CACNA1B: variants seen among roughly 807,000 people sequenced by gnomAD.
CACNA1B encodes the protein voltage-dependent N-type calcium channel subunit alpha-1B.
A neutral mutation model predicts 247.2 loss-of-function variants in CACNA1B; 70 were observed. That is an observed-to-expected ratio of 0.28 (90% confidence interval 0.23 to 0.35). The LOEUF (loss-of-function observed/expected upper bound fraction) is 0.35. CACNA1B is among the 10% of genes least tolerant of loss of function. The pLI is 1.00. For synonymous variants in CACNA1B, 1,231 were observed against 1,294.4 expected, an observed-to-expected ratio of 0.95 and a Z score of 1.05; for missense variants, 2,367 against 3,197.4, an observed-to-expected ratio of 0.74 and a Z score of 6.26.
chr9:138,017,739 GCAGAGA>G, intron 18 of CACNA1B, among the ~76,000 whole-genome samples: 1 of 152,350 alleles, frequency 6.6e-6, no homozygotes, highest in South Asian at 2.1e-4. Context: ...AGGGCCCAAG[GCAGAGA>G]CACGGAAACT....
At chr9:138,110,904 A>T (rs1199671551) in intron 39 of CACNA1B, among the ~76,000 whole-genome samples, 1 of 152,232 alleles carries the variant, frequency 6.6e-6, no homozygotes, top group South Asian at 2.1e-4. Flanking sequence ...GTGTCATCAA[A>T]GAAGATATAT....
chr9:138,107,065 T>C (rs965757347), intron 39 of CACNA1B, among the ~76,000 whole-genome samples: 2 of 152,114 alleles, frequency 1.3e-5, no homozygotes, highest in African/African-American at 2.4e-5. Flanking sequence ...TGCCATGGAA[T>C]GTTCTCTCTA....
rs1246969026 is a variant in CACNA1B at position 137,975,974 on chromosome 9, G to T, written c.1611G>T (p.Gly537=). ...TGTCCCTGAAGATGTATGGCCTGGGGCCCAGAAGCTACTTCCGGTCCTCCT... is the reference window on the plus strand; with the variant it reads ...TGTCCCTGAAGATGTATGGCCTGGGTCCCAGAAGCTACTTCCGGTCCTCCT... The part of the protein sequence containing the change: ...TEMSLKMYGL[G]PRSYFRSSFN... Residue 537 remains glycine (G), a synonymous_variant, in exon 12 of 47, where the codon GGG becomes GGT. Transcript: ENST00000371372. 1.2e-6 allele frequency: 2 copies of T among 1,613,656 alleles called. No homozygotes were observed. Among genetic ancestry groups the T allele is most frequent in the Non-Finnish European group, 1.7e-6 (2 of 1,179,570 alleles).
At chr9:137,931,050 T>G (rs1299052885) in intron 6 of CACNA1B, among the ~76,000 whole-genome samples, 2 of 152,208 alleles carry the variant, frequency 1.3e-5, no homozygotes, top group Admixed American at 1.3e-4. Flanking sequence ...CCTTCCACAC[T>G]GAAGGAATCT....
At chr9:137,944,460 A>G (rs1025896854) in intron 6 of CACNA1B, among the ~76,000 whole-genome samples, 1 of 152,166 alleles carries the variant, frequency 6.6e-6, no homozygotes, top group East Asian at 1.9e-4. Context: ...TATAGTCCCA[A>G]TTAGGATCAG....
chr9:138,047,503 C>G (rs201422765), intron 23 of CACNA1B, 45 bp downstream of exon 23: 72 of 1,386,186 alleles, frequency 5.2e-5, no homozygotes, highest in Non-Finnish European at 7.2e-5. Flanking sequence ...TTTGCTCTCC[C>G]TCCCTCATGA....
intron 35 of CACNA1B, 69 bp from the exon 36 acceptor site, chr9:138,078,045 G>C: frequency 6.8e-7 from 1 of 1,463,046 alleles, no homozygotes; most frequent in Non-Finnish European, 9.4e-7. Flanking sequence ...GGGCACGCTT[G>C]GTAGCCCCAC....
chr9:138,110,095 G>A (rs1961569675), intron 39 of CACNA1B, among the ~76,000 whole-genome samples: 1 of 142,510 alleles, frequency 7.0e-6, no homozygotes, highest in South Asian at 2.3e-4. Flanking sequence ...CAAAACTTTT[G>A]CTATATGATA....
chr9:137,955,668 G>C lies in CACNA1B; in HGVS notation c.1071-30G>C. On this transcript the variant is annotated intron_variant, in intron 7 of 46. Transcript: ENST00000371372. The surrounding 1 kb of genome is among the most constrained non-coding windows in gnomAD (Gnocchi z 6.9). ...ACACCTGTGGGGCTTGCACTCACCTGATCTTGCTTTTCCGGCCCCTGCATG... is the reference window on the plus strand; with the variant it reads ...ACACCTGTGGGGCTTGCACTCACCTCATCTTGCTTTTCCGGCCCCTGCATG... 1 of 1,483,294 alleles carries C rather than the reference G, an allele frequency of 6.7e-7. No homozygotes were observed. Among genetic ancestry groups the C allele is most frequent in the African/African-American group, 1.4e-5 (1 of 72,426 alleles). The allele number at this position is 1,483,294 out of a possible 1,614,324, so 91.9% of individuals were successfully genotyped here.
In CACNA1B at chr9:137,955,707, C is replaced by G. The variant is rs747269740; in HGVS notation, c.1080C>G (p.Ala360=). 6.2e-7 allele frequency: 1 copy of G among 1,611,500 alleles called. No individual in the cohort carries two copies. Among genetic ancestry groups the G allele is most frequent in the East Asian group, 2.2e-5 (1 of 44,806 alleles). ...LVLGVLSGEF[A]KERERVENRR... Reference sequence around the variant, plus strand: ...GGCCCCTGCATGGTAGGGAGTTTGCCAAGGAGCGAGAGAGGGTGGAGAACC... The same window carrying G: ...GGCCCCTGCATGGTAGGGAGTTTGCGAAGGAGCGAGAGAGGGTGGAGAACC... The change falls in exon 8 of 47, where the codon GCC becomes GCG. Residue 360 remains alanine, a synonymous_variant. Transcript: ENST00000371372. The surrounding 1 kb of genome is among the most constrained non-coding windows in gnomAD (Gnocchi z 6.9).
At chr9:137,979,068 C>A (rs1472764880) in intron 12 of CACNA1B, among the ~76,000 whole-genome samples, 1 of 152,210 alleles carries the variant, frequency 6.6e-6, no homozygotes, top group Non-Finnish European at 1.5e-5. Flanking sequence ...TCATGTCTTC[C>A]AATCTTCTGA....
chr9:138,046,627 A>C (rs6559261), intron 21 of CACNA1B, among the ~76,000 whole-genome samples: 5 of 152,308 alleles, frequency 3.3e-5, no homozygotes, highest in South Asian at 4.1e-4. Flanking sequence ...AGGTCTCCCT[A>C]TCTGGCCTGT....
rs895225729 is a variant in CACNA1B, at chr9:138,079,772, G to A, written c.5094+1514G>A. ...AAAAAAAAAAAAAAAAAAAGAGGGAGGCTGAGACAGGAGACTCGCTAGAAC... is the reference window on the plus strand; with the variant it reads ...AAAAAAAAAAAAAAAAAAAGAGGGAAGCTGAGACAGGAGACTCGCTAGAAC... On this transcript the variant is annotated intron_variant, in intron 36 of 46. Coordinates refer to ENST00000371372, the MANE Select transcript of CACNA1B (RefSeq NM_000718.4). Among the ~76,000 whole-genome samples, 138 of 147,902 alleles carry A rather than the reference G, an allele frequency of 9.3e-4. 1 individual carries two copies. Among genetic ancestry groups the A allele is most frequent in the Non-Finnish European group, 1.5e-3 (100 of 67,100 alleles).
Position 138,023,463 on chromosome 9 carries a change from G to A in CACNA1B, c.2720G>A (p.Gly907Asp). ...AGPPEARSER[G>D]RGPGPEGGRR... ...CCCCCGGAGGCGCGGAGCGAGCGCG[G>A]CCGAGGCCCAGGCCCCGAGGGCGGC... The change falls in exon 19 of 47, where the codon GGC becomes GAC. Residue 907 changes from glycine to aspartate, a missense_variant. Physicochemically the swap from Gly to Asp is moderately conservative, Grantham distance 94 (BLOSUM62 -1). Transcript: ENST00000371372. 8.3e-7 allele frequency: 1 copy of A among 1,199,856 alleles called. No homozygotes were observed. Among genetic ancestry groups the A allele is most frequent in the Non-Finnish European group, 1.0e-6 (1 of 969,150 alleles). The allele number at this position is 1,199,856 out of a possible 1,614,324, so 74.3% of individuals were successfully genotyped here. A position where few individuals can be genotyped will look rare whatever the true frequency, so the allele number is the denominator to read the frequency against.
chr9:137,996,506 C>T (rs1375252301), intron 15 of CACNA1B, among the ~76,000 whole-genome samples: 2 of 151,738 alleles, frequency 1.3e-5, no homozygotes, highest in South Asian at 2.1e-4. Context: ...TTTAGGGACT[C>T]GAGGGAAAGG....
Position 137,986,685 on chromosome 9 carries a change from A to C in CACNA1B, c.1902-97A>C. 1 of 1,409,012 alleles carries C rather than the reference A, an allele frequency of 7.1e-7. No homozygotes were observed. Among genetic ancestry groups the C allele is most frequent in the South Asian group, 1.2e-5 (1 of 86,840 alleles). The allele number at this position is 1,409,012 out of a possible 1,614,324, so 87.3% of individuals were successfully genotyped here. The stretch of plus-strand genomic sequence containing the variant: ...GAGGGGCCAGTGTGCAGCCATCTGC[A>C]GCCTGAAGCGAGCAGGTTGAGGCCA... On this transcript the variant is annotated intron_variant, in intron 14 of 46. Coordinates refer to ENST00000371372, the MANE Select transcript of CACNA1B (RefSeq NM_000718.4). The surrounding 1 kb of genome is among the most constrained non-coding windows in gnomAD (Gnocchi z 6.0).
chr9:137,987,042 G>A (rs906209563), intron 15 of CACNA1B, among the ~76,000 whole-genome samples, 188 bp downstream of exon 15: 2 of 152,202 alleles, frequency 1.3e-5, no homozygotes, highest in Non-Finnish European at 2.9e-5. Context: ...CTCCAGGTCC[G>A]GGGGCCCCAG....
intron 3 of CACNA1B, among the ~76,000 whole-genome samples, chr9:137,886,359 G>A (rs73668139): frequency 0.012 from 1,833 of 152,262 alleles, 36 homozygotes; most frequent in African/African-American, 0.041. Context: ...GGGAGGAGGC[G>A]GGAAGGCCAC....
chr9:138,056,869 T>G (rs1409244638), intron 26 of CACNA1B, among the ~76,000 whole-genome samples: 1 of 152,136 alleles, frequency 6.6e-6, no homozygotes, highest in Non-Finnish European at 1.5e-5. Context: ...ATGTGCTTAA[T>G]AGCCATTTGT....
Sources: allele counts gnomAD v4.1 joint callset (sites outside exome capture counted in the v4.1 genomes callset), GRCh38; gene constraint gnomAD v4.1.1; non-coding constraint Gnocchi (gnomAD v3.1); transcripts MANE v1.5; gene names NCBI Gene and HGNC (gene_info 2026-07-23, HGNC 2026-07-21).